Variants in ARHGAP22 observed in about 807,000 individuals in gnomAD.
The protein encoded by ARHGAP22 is Rho GTPase activating protein 22.
In ARHGAP22, 48 loss-of-function variants were observed where a neutral mutation model predicts 59.1. The observed-to-expected ratio is 0.81, with a 90% CI of 0.64 to 1.03. The LOEUF (loss-of-function observed/expected upper bound fraction) is 1.03. Ranked by LOEUF, ARHGAP22 falls within the 50% of genes least tolerant of loss-of-function variation. ARHGAP22 has a pLI of 0.00. For missense variants in ARHGAP22, 1,015 were observed against 958.7 expected (o/e 1.06, Z -0.78); for synonymous variants, 445 against 416.4 (o/e 1.07, Z -0.84).
At chr10:48,642,339 A>G (rs2062084880) in intron 1 of ARHGAP22, among the ~76,000 whole-genome samples, 1 of 152,222 alleles carries the variant, frequency 6.6e-6, no homozygotes, top group African/African-American at 2.4e-5. Context: ...TTCAAACTAT[A>G]CTACAAGGCT....
At chr10:48,625,969 A>G (rs2061435399) in intron 1 of ARHGAP22, among the ~76,000 whole-genome samples, 1 of 152,178 alleles carries the variant, frequency 6.6e-6, no homozygotes, top group Admixed American at 6.5e-5. Context: ...GCTCACCACC[A>G]GCATATCTAG....
chr10:48,605,164 G>A (rs866305010), upstream of ARHGAP22: 6 of 1,139,108 alleles, frequency 5.3e-6, no homozygotes, highest in South Asian at 2.5e-5. Context: ...CGAGAGGGGC[G>A]GGGCCAGCCA....
intron 1 of ARHGAP22, among the ~76,000 whole-genome samples, chr10:48,598,967 C>A (rs2060230628): frequency 6.6e-6 from 1 of 152,198 alleles, no homozygotes. Context: ...GGTTGGGTAC[C>A]CTTCCTGGCT....
At chr10:48,501,388 G>GA (rs1463225503) in intron 3 of ARHGAP22, among the ~76,000 whole-genome samples, 6 of 152,354 alleles carry the variant, frequency 3.9e-5, no homozygotes, top group African/African-American at 1.4e-4. Flanking sequence ...CGTGTTCCAG[G>GA]TGTGTGGGTA....
chr10:48,493,703 G>T, intron 3 of ARHGAP22: 1 of 1,346,158 alleles, frequency 7.4e-7, no homozygotes, highest in Non-Finnish European at 9.6e-7. Context: ...GGGACTGTCT[G>T]GGGCGGGGCA....
exon 1 of ARHGAP22, chr10:48,652,580 A>G (rs1305551873): frequency 4.5e-6 from 2 of 441,800 alleles, no homozygotes; most frequent in African/African-American, 2.0e-5. Flanking sequence ...TGGGAACAAT[A>G]GTGACAACCA....
chr10:48,467,226 T>G (rs867750477), intron 4 of ARHGAP22, among the ~76,000 whole-genome samples: 6 of 152,348 alleles, frequency 3.9e-5, no homozygotes, highest in African/African-American at 1.2e-4. Flanking sequence ...GTGATTTGCC[T>G]AAGGTCATAC....
At chr10:48,631,918 T>C (rs1156344940) in intron 1 of ARHGAP22, among the ~76,000 whole-genome samples, 1 of 152,252 alleles carries the variant, frequency 6.6e-6, no homozygotes, top group Non-Finnish European at 1.5e-5. Flanking sequence ...ATACTCTTGG[T>C]TTTTGTTTGT....
At chr10:48,576,720 T>A (rs928434529) in intron 2 of ARHGAP22, among the ~76,000 whole-genome samples, 2 of 152,246 alleles carry the variant, frequency 1.3e-5, no homozygotes, top group Non-Finnish European at 2.9e-5. Flanking sequence ...TGCCTGAATC[T>A]GTCACCACGT....
rs1023292666 is a variant in ARHGAP22, at chr10:48,490,441, C to T, written c.323-10677G>A. On this transcript the variant is annotated intron_variant, in intron 3 of 9. Coordinates refer to ENST00000249601, the MANE Select transcript of ARHGAP22 (RefSeq NM_021226.4). ...AGCCAACAGTGTCTCCATACATTGTCAAATGTCCCTTGGAGCCCAAATGCC... is the reference window on the plus strand; with the variant it reads ...AGCCAACAGTGTCTCCATACATTGTTAAATGTCCCTTGGAGCCCAAATGCC... 3.9e-5 allele frequency among the ~76,000 whole-genome samples: 6 copies of T among 152,124 alleles called. No individual in the cohort carries two copies. In the East Asian group the frequency reaches 7.7e-4, roughly 20 times the overall value.
At chr10:48,605,202 G>GA (rs1188120839), upstream of ARHGAP22, 12 of 1,052,734 alleles carry the variant, frequency 1.1e-5, no homozygotes, top group African/African-American at 1.7e-5. Flanking sequence ...CCTGGCCCGG[G>GA]AGAGGGTACT....
At position 48,446,149 on chromosome 10, in the gene ARHGAP22, G is replaced by A. The variant is rs146857803; in HGVS notation, c.*242C>T. 2.8e-4 allele frequency: 156 copies of A among 557,032 alleles called. 1 individual carries two copies. The highest frequency in any genetic ancestry group is 4.7e-4 in the Non-Finnish European group (148 of 315,838). The allele number at this position is 557,032 out of a possible 1,614,324, so 34.5% of individuals were successfully genotyped here. A position where few individuals can be genotyped will look rare whatever the true frequency, so the allele number is the denominator to read the frequency against. ...GATATTTCCTGGGTAAGGGCTAAGC[G>A]CTACTCTTGGTACCGTCCCCTTCTG... is the stretch of plus-strand genomic sequence containing the variant. On this transcript the variant is annotated 3_prime_UTR_variant, in exon 10 of 10. Transcript: ENST00000249601.
intron 8 of ARHGAP22, chr10:48,451,347 G>A (rs867627744): frequency 2.6e-6 from 2 of 755,214 alleles, no homozygotes; most frequent in Non-Finnish European, 4.6e-6. Flanking sequence ...CCGCAGAACC[G>A]CCTTCCTCAG....
chr10:48,525,195 T>C (rs991315440), intron 3 of ARHGAP22, among the ~76,000 whole-genome samples: 1 of 152,230 alleles, frequency 6.6e-6, no homozygotes, highest in Non-Finnish European at 1.5e-5. Context: ...TGTCCCCACA[T>C]GCCCAGGAAA....
intron 2 of ARHGAP22, among the ~76,000 whole-genome samples, chr10:48,564,042 G>A (rs75340505): frequency 0.011 from 1,658 of 152,274 alleles, 34 homozygotes; most frequent in African/African-American, 0.038. Flanking sequence ...GCAACAGGAA[G>A]AGCATACAGA....
At chr10:48,591,938 C>T (rs2059782443) in intron 1 of ARHGAP22, among the ~76,000 whole-genome samples, 3 of 152,192 alleles carry the variant, frequency 2.0e-5, no homozygotes, top group Admixed American at 2.0e-4. Flanking sequence ...AACAATTGTG[C>T]TGCTCACCTC....
In ARHGAP22 at chr10:48,476,650, C is replaced by A. The variant is rs369659895; in HGVS notation, c.451+2986G>T. ...GAGATAAGCGCCTTTGATGGCAGTT[C>A]CTGTTTTAATGGTTGTGAGTTCTTC... On this transcript the variant is annotated intron_variant, in intron 4 of 9. Coordinates refer to ENST00000249601, the MANE Select transcript of ARHGAP22 (RefSeq NM_021226.4). 3.9e-5 allele frequency among the ~76,000 whole-genome samples: 6 copies of A among 152,184 alleles called. No homozygotes were observed. In the South Asian group the frequency reaches 1.2e-3, roughly 32 times the overall value.
chr10:48,632,487 A>C (rs1291829827), intron 1 of ARHGAP22, among the ~76,000 whole-genome samples: 1 of 152,190 alleles, frequency 6.6e-6, no homozygotes, highest in Non-Finnish European at 1.5e-5. Flanking sequence ...GTCTGATATA[A>C]TTCCTATCCT....
intron 4 of ARHGAP22, among the ~76,000 whole-genome samples, chr10:48,469,508 C>A (rs897230560): frequency 2.6e-5 from 4 of 152,208 alleles, no homozygotes; most frequent in Non-Finnish European, 5.9e-5. Flanking sequence ...GGATCCAGGA[C>A]CTTAGGGACT....
Sources: gnomAD v4.1 joint callset for allele counts (sites outside exome capture counted in the v4.1 genomes callset) on GRCh38, gnomAD v4.1.1 for gene constraint, MANE v1.5 for transcripts, NCBI Gene and HGNC (gene_info 2026-07-23, HGNC 2026-07-21) for gene names.